EXT2: variants seen among roughly 807,000 people sequenced by gnomAD.
The protein encoded by EXT2 is exostosin glycosyltransferase 2.
A neutral mutation model predicts 81.6 loss-of-function variants in EXT2; 53 were observed. The observed-to-expected ratio is 0.65, with a 90% CI of 0.52 to 0.82. The LOEUF is 0.82. Ranked by LOEUF, EXT2 falls within the 40% of genes least tolerant of loss-of-function variation. The pLI is 0.00. For missense variants in EXT2, 774 were observed against 910.2 expected (o/e 0.85, Z 1.93); for synonymous variants, 320 against 340.0 (o/e 0.94, Z 0.65).
chr11:44,146,043 C>T (rs1954711914), intron 7 of EXT2, among the ~76,000 whole-genome samples: 1 of 152,206 alleles, frequency 6.6e-6, no homozygotes, highest in African/African-American at 2.4e-5. Context: ...AGCCCAAGAT[C>T]AACGAGTTGG....
At chr11:44,172,180 T>C (rs140861014) in intron 8 of EXT2, among the ~76,000 whole-genome samples, 2 of 152,334 alleles carry the variant, frequency 1.3e-5, no homozygotes, top group Non-Finnish European at 1.5e-5. Flanking sequence ...TCCAACACTC[T>C]GTGAGGAAAA....
In EXT2 at chr11:44,126,901, T is replaced by A; in HGVS notation, c.1025T>A (p.Val342Asp). 3 of 1,614,200 alleles carry A rather than the reference T, an allele frequency of 1.9e-6. No homozygotes were observed. The highest frequency in any genetic ancestry group is 2.5e-6 in the Non-Finnish European group (3 of 1,180,036). ...SDVLQAGCVP[V>D]VIADSYILPF... Reference sequence around the variant, plus strand: ...GTGTTACAAGCTGGCTGTGTCCCGGTTGTCATTGCAGACTCCTATATTTTG... The same window carrying A: ...GTGTTACAAGCTGGCTGTGTCCCGGATGTCATTGCAGACTCCTATATTTTG... The change falls in exon 6 of 14, where the codon GTT becomes GAT. Residue 342 changes from valine to aspartate, a missense_variant. Coordinates refer to ENST00000533608, the MANE Select transcript of EXT2 (RefSeq NM_207122.2).
At chr11:44,215,045 G>A (rs1955701591) in intron 10 of EXT2, among the ~76,000 whole-genome samples, 1 of 152,114 alleles carries the variant, frequency 6.6e-6, no homozygotes, top group African/African-American at 2.4e-5. Flanking sequence ...ACAGGCATGA[G>A]CCACTGCACC....
chr11:44,114,306 G>A lies in EXT2; in HGVS notation c.743+5G>A, dbSNP rs2134985655. On this transcript the variant is annotated splice_donor_5th_base_variant and intron_variant, in intron 4 of 13. Transcript: ENST00000533608. The stretch of plus-strand genomic sequence containing the variant: ...TCTTCCAGAGAAAGGACCAGGGTAA[G>A]GTACATTCATCCCAGCCAGGTGTGC... 1 of 1,610,738 alleles carries A rather than the reference G, an allele frequency of 6.2e-7. No individual in the cohort carries two copies. The highest frequency in any genetic ancestry group is 8.5e-7 in the Non-Finnish European group (1 of 1,176,938).
chr11:44,215,306 A>G (rs554583160), intron 10 of EXT2, among the ~76,000 whole-genome samples: 14 of 152,192 alleles, frequency 9.2e-5, no homozygotes. Flanking sequence ...TCATATTTCT[A>G]TTGTCTTTAA....
intron 7 of EXT2, among the ~76,000 whole-genome samples, chr11:44,137,002 T>C (rs1299010962): frequency 1.3e-5 from 2 of 152,040 alleles, no homozygotes; most frequent in Non-Finnish European, 2.9e-5. Context: ...TCAGTAGCAC[T>C]CTATATTCTG....
intron 4 of EXT2, among the ~76,000 whole-genome samples, chr11:44,119,181 CA>C (rs1954280488): frequency 8.7e-6 from 1 of 115,232 alleles, no homozygotes; most frequent in South Asian, 3.1e-4. Flanking sequence ...CACATACACA[CA>C]CACACACACA....
intron 7 of EXT2, 63 bp from the exon 8 acceptor site, chr11:44,171,548 G>T: frequency 6.2e-7 from 1 of 1,611,954 alleles, no homozygotes; most frequent in South Asian, 1.1e-5. Context: ...GACTATGATA[G>T]AGTATCTAGT....
rs766890467 is a variant in EXT2 at position 44,124,775 on chromosome 11, T to G, written c.744-14T>G. On this transcript the variant is annotated splice_polypyrimidine_tract_variant and intron_variant, in intron 4 of 13. Transcript: ENST00000533608. ...AGCTGCAATTTTCCAATCACCTGTT[T>G]TTTTCCCTTGTAGTCCACGGCAATA... 4.3e-6 allele frequency: 7 copies of G among 1,613,874 alleles called. No individual in the cohort carries two copies. The highest frequency in any genetic ancestry group is 1.3e-5 in the African/African-American group (1 of 75,032).
At chr11:44,111,308 T>C (rs1226536777) in intron 3 of EXT2, among the ~76,000 whole-genome samples, 3 of 152,190 alleles carry the variant, frequency 2.0e-5, no homozygotes, top group Non-Finnish European at 2.9e-5. Flanking sequence ...TCGAACAGCA[T>C]GCAAGTGTAT....
intron 9 of EXT2, among the ~76,000 whole-genome samples, chr11:44,204,961 A>G (rs1955565250): frequency 1.3e-5 from 2 of 152,206 alleles, no homozygotes; most frequent in African/African-American, 4.8e-5. Flanking sequence ...TCAAGCAAGA[A>G]TAAGGATGAT....
intron 7 of EXT2, among the ~76,000 whole-genome samples, chr11:44,159,398 A>G (rs1235504235): frequency 6.6e-6 from 1 of 151,872 alleles, no homozygotes; most frequent in East Asian, 1.9e-4. Context: ...AATATCCTCA[A>G]GTTCAGAGAT....
chr11:44,108,183 C>T lies in EXT2; in HGVS notation c.471C>T (p.Ile157=), dbSNP rs747429885. The change falls in exon 2 of 14, where the codon ATC becomes ATT. Residue 157 remains isoleucine, a synonymous_variant. Coordinates refer to ENST00000533608, the MANE Select transcript of EXT2 (RefSeq NM_207122.2). ...INRACLFVPS[I]DVLNQNTLRI... ...GGGCCTGTCTGTTTGTTCCCTCCAT[C>T]GATGTGCTTAACCAGAACACACTGC... The T allele has an allele frequency of 4.3e-6, 7 of 1,613,862 alleles. No homozygotes were observed. The highest frequency in any genetic ancestry group is 3.4e-6 in the Non-Finnish European group (4 of 1,180,042).
At chr11:44,188,533 G>A (rs1169160823) in intron 8 of EXT2, among the ~76,000 whole-genome samples, 2 of 152,110 alleles carry the variant, frequency 1.3e-5, no homozygotes, top group Non-Finnish European at 2.9e-5. Context: ...GTATTGATAG[G>A]AACCAGCAGA....
chr11:44,106,898 G>A (rs1185712296), intron 1 of EXT2, among the ~76,000 whole-genome samples: 5 of 152,118 alleles, frequency 3.3e-5, no homozygotes. Context: ...CAAGGTGCTG[G>A]GATTATAGAC....
intron 9 of EXT2, among the ~76,000 whole-genome samples, chr11:44,200,630 G>T (rs1955511528): frequency 6.6e-6 from 1 of 152,212 alleles, no homozygotes; most frequent in Non-Finnish European, 1.5e-5. Context: ...AGTAAAACCA[G>T]CAGCCACCTT....
At position 44,132,210 on chromosome 11, in the gene EXT2, A is replaced by C. The variant is rs377213488; in HGVS notation, c.1173+2072A>C. Among the ~76,000 whole-genome samples the C allele has an allele frequency of 2.0e-5, 3 of 152,320 alleles. No individual in the cohort carries two copies. The South Asian group carries it at 6.2e-4, about 32-fold the overall frequency. On this transcript the variant is annotated intron_variant, in intron 7 of 13. Transcript: ENST00000533608. ...TTTCTTCTCCACCCCTCCACCCTGA[A>C]GCTGTGAAAGAGAATCATTTGGTTT...
chr11:44,193,086 CAT>C (rs1565229296), intron 8 of EXT2, among the ~76,000 whole-genome samples: 2 of 151,762 alleles, frequency 1.3e-5, no homozygotes, highest in South Asian at 2.1e-4. Context: ...ATAGCCAAAA[CAT>C]AATGAATAGA....
chr11:44,126,908 T>G lies in EXT2; in HGVS notation c.1032T>G (p.Ile344Met), dbSNP rs1954415349. Reference sequence around the variant, plus strand: ...AAGCTGGCTGTGTCCCGGTTGTCATTGCAGACTCCTATATTTTGCCTTTCT... The same window carrying G: ...AAGCTGGCTGTGTCCCGGTTGTCATGGCAGACTCCTATATTTTGCCTTTCT... The part of the protein sequence containing the change: ...VLQAGCVPVV[I>M]ADSYILPFSE... Residue 344 changes from isoleucine (I) to methionine (M), a missense_variant, in exon 6 of 14, where the codon ATT becomes ATG. Coordinates refer to ENST00000533608, the MANE Select transcript of EXT2 (RefSeq NM_207122.2). 5 of 1,614,236 alleles carry G rather than the reference T, an allele frequency of 3.1e-6. No individual in the cohort carries two copies. The highest frequency in any genetic ancestry group is 3.4e-6 in the Non-Finnish European group (4 of 1,180,052).
Sources: gnomAD v4.1 joint callset for allele counts (sites outside exome capture counted in the v4.1 genomes callset) on GRCh38, gnomAD v4.1.1 for gene constraint, MANE v1.5 for transcripts, NCBI Gene and HGNC (gene_info 2026-07-23, HGNC 2026-07-21) for gene names.